The following SLC9D1 variants were observed in gnomAD, a reference collection of about 807,000 sequenced individuals.
The protein encoded by SLC9D1 is solute carrier family 9 member D1, also known as putative LAG1-interacting protein.
the SLC9D1 span, among the ~76,000 whole-genome samples, chr13:113,537,889 G>A: frequency 0.041 from 4,439 of 107,402 alleles, 172 homozygotes; most frequent in African/African-American, 0.12. Flanking sequence ...CCAAGTAGCC[G>A]TGTGTGTGTG....
chr13:113,534,155 A>G, the SLC9D1 span: 3 of 1,613,840 alleles, frequency 1.9e-6, no homozygotes, highest in East Asian at 2.2e-5. Flanking sequence ...ATTGGACCCT[A>G]TTATCGGAAG....
chr13:113,545,057 A>ACC, the SLC9D1 span, among the ~76,000 whole-genome samples: 29,409 of 152,182 alleles, frequency 0.19, 3,628 homozygotes, highest in African/African-American at 0.35. Context: ...AGAAGCAGGC[A>ACC]GCTGGCTCTG....
chr13:113,496,074 T>A, the SLC9D1 span: 7 of 1,257,408 alleles, frequency 5.6e-6, no homozygotes, highest in South Asian at 1.3e-5. Flanking sequence ...GAGAGAGAGG[T>A]GAAGAGAGAG....
chr13:113,512,189 C>T, the SLC9D1 span, among the ~76,000 whole-genome samples: 1,199 of 84,092 alleles, frequency 0.014, no homozygotes, highest in Middle Eastern at 0.042. Context: ...AGGCAGAGGG[C>T]CGGAGTGTAG....
chr13:113,538,162 ATG>A, the SLC9D1 span, among the ~76,000 whole-genome samples: 1,924 of 151,772 alleles, frequency 0.013, 36 homozygotes, highest in African/African-American at 0.044. Flanking sequence ...ACATGCATGA[ATG>A]TGTACTTTAT....
the SLC9D1 span, chr13:113,536,698 T>A: frequency 3.9e-6 from 1 of 256,462 alleles, no homozygotes; most frequent in Non-Finnish European, 6.1e-6. Context: ...CTGGGCCTTC[T>A]GCACATCTGC....
chr13:113,536,632 T>G, the SLC9D1 span: 1 of 969,184 alleles, frequency 1.0e-6, no homozygotes, highest in Non-Finnish European at 1.2e-6. Flanking sequence ...GGCTCTCAGG[T>G]TTTCTCGCTC....
chr13:113,508,855 A>G, the SLC9D1 span, among the ~76,000 whole-genome samples: 1 of 152,228 alleles, frequency 6.6e-6, no homozygotes, highest in Admixed American at 6.5e-5. Flanking sequence ...TTCACTAAGA[A>G]CTAGGTGGGG....
At chr13:113,525,474 C>A in the SLC9D1 span, among the ~76,000 whole-genome samples, 3 of 152,364 alleles carry the variant, frequency 2.0e-5, no homozygotes, top group South Asian at 4.1e-4. Flanking sequence ...AGAGTGTACT[C>A]CTTCTACTTA....
At chr13:113,491,439 TC>T in the SLC9D1 span, among the ~76,000 whole-genome samples, 11 of 129,070 alleles carry the variant, frequency 8.5e-5, no homozygotes, top group Non-Finnish European at 3.2e-5. Flanking sequence ...CTCCCCTCTC[TC>T]CCTCCCCGGG....
chr13:113,550,175 TA>T, the SLC9D1 span: 1 of 152,742 alleles, frequency 6.5e-6, no homozygotes, highest in South Asian at 2.1e-4. Context: ...TTAATAAAGA[TA>T]ATTTATGATC....
At chr13:113,536,645 T>C in the SLC9D1 span, 4 of 923,406 alleles carry the variant, frequency 4.3e-6, no homozygotes, top group Non-Finnish European at 5.2e-6. Context: ...TCTCGCTCTC[T>C]GGGCAGCCCT....
At chr13:113,493,861 C>T in the SLC9D1 span, among the ~76,000 whole-genome samples, 3 of 152,164 alleles carry the variant, frequency 2.0e-5, no homozygotes, top group Non-Finnish European at 4.4e-5. Context: ...GAGCCTTCAC[C>T]GAGTCATCTG....
chr13:113,538,964 C>T, the SLC9D1 span, among the ~76,000 whole-genome samples: 1 of 152,228 alleles, frequency 6.6e-6, no homozygotes, highest in African/African-American at 2.4e-5. Context: ...CGTCCTGTCG[C>T]TTTCTCTCTG....
At chr13:113,529,921 A>G in the SLC9D1 span, 3 of 152,260 alleles carry the variant, frequency 2.0e-5, no homozygotes, top group Non-Finnish European at 4.4e-5. Flanking sequence ...AAAAACTTGT[A>G]CCTGAATGTT....
At chr13:113,517,563 A>G in the SLC9D1 span, among the ~76,000 whole-genome samples, 24 of 152,334 alleles carry the variant, frequency 1.6e-4, no homozygotes, top group Non-Finnish European at 2.9e-4. Context: ...CAAGAGATGA[A>G]TGGATAAACT....
the SLC9D1 span, among the ~76,000 whole-genome samples, chr13:113,522,051 G>A: frequency 1.3e-5 from 2 of 152,126 alleles, no homozygotes; most frequent in East Asian, 1.9e-4. Flanking sequence ...TTTCCAACCC[G>A]TATGCTTTTG....
chr13:113,549,439 A>G, the SLC9D1 span: 1 of 1,613,824 alleles, frequency 6.2e-7, no homozygotes, highest in Non-Finnish European at 8.5e-7. Context: ...ACCTCCTTAT[A>G]CTGAGTGTGA....
chr13:113,534,024 C>G, the SLC9D1 span: 1 of 1,558,254 alleles, frequency 6.4e-7, no homozygotes, highest in African/African-American at 1.4e-5. Context: ...AGTGAAATCA[C>G]GTCTCTTTTT....
Sources: gnomAD v4.1 joint callset for allele counts (sites outside exome capture counted in the v4.1 genomes callset) on GRCh38, gnomAD v4.1.1 for gene constraint, MANE v1.5 for transcripts, NCBI Gene and HGNC (gene_info 2026-07-23, HGNC 2026-07-21) for gene names.